TMX3: variants seen among roughly 807,000 people sequenced by gnomAD.
TMX3 encodes the protein thioredoxin related transmembrane protein 3.
Under a neutral mutation model 64.4 loss-of-function variants are expected in TMX3, and 40 were observed. The observed-to-expected ratio is 0.62, with a 90% CI of 0.48 to 0.81. The LOEUF (loss-of-function observed/expected upper bound fraction) is 0.81, where lower values mean the gene tolerates loss of function less well. Ranked by LOEUF, TMX3 falls within the 30% of genes least tolerant of loss-of-function variation. The pLI is 0.00. For synonymous variants in TMX3, 189 were observed against 175.7 expected (o/e 1.08, Z -0.60); for missense variants, 497 against 534.5 (o/e 0.93, Z 0.69).
intron 4 of TMX3, among the ~76,000 whole-genome samples, chr18:68,705,096 T>C (rs996142965): frequency 6.6e-6 from 1 of 152,214 alleles, no homozygotes; most frequent in Non-Finnish European, 1.5e-5. Flanking sequence ...GAAGACACTT[T>C]GTTTTCTAAA....
At chr18:68,697,095 T>C (rs1233027037) in intron 8 of TMX3, 131 bp downstream of exon 8, 4 of 563,732 alleles carry the variant, frequency 7.1e-6, no homozygotes, top group Admixed American at 7.0e-5. Context: ...TTTCCAAACA[T>C]ATCACAGTAA....
intron 15 of TMX3, 75 bp from the exon 16 acceptor site, chr18:68,677,268 C>A: frequency 1.4e-6 from 2 of 1,473,072 alleles, no homozygotes; most frequent in Admixed American, 2.2e-5. Flanking sequence ...GAACTTGAAA[C>A]CACTATAGAT....
intron 2 of TMX3, among the ~76,000 whole-genome samples, chr18:68,712,483 A>C (rs905111804): frequency 6.6e-6 from 1 of 152,172 alleles, no homozygotes; most frequent in African/African-American, 2.4e-5. Context: ...AACTGGTTGC[A>C]CATCTGCTTG....
rs1008026130 is a variant in TMX3, at chr18:68,675,788, G to A, written c.*1145C>T. ...TGCTTTGGAAAGAATTCCTGTATTA[G>A]TTTATAGAAGATGAGAGGTCACTTG... is the stretch of plus-strand genomic sequence containing the variant. On this transcript the variant is annotated 3_prime_UTR_variant, in exon 16 of 16. Transcript: ENST00000299608. The A allele has an allele frequency of 6.6e-6, 1 of 152,160 alleles. No homozygotes were observed. Among genetic ancestry groups the A allele is most frequent in the African/African-American group, 2.4e-5 (1 of 41,448 alleles). 9.4% of individuals were successfully genotyped at this position (152,160 alleles called of 1,614,324 possible). A position where few individuals can be genotyped will look rare whatever the true frequency, so the allele number is the denominator to read the frequency against.
At chr18:68,687,511 A>G in intron 10 of TMX3, 156 bp downstream of exon 10, 2 of 985,256 alleles carry the variant, frequency 2.0e-6, no homozygotes, top group South Asian at 9.4e-5. Flanking sequence ...TTCTGGTAAT[A>G]TCAGTTTACA....
At chr18:68,704,547 T>C (rs2145116149) in intron 4 of TMX3, among the ~76,000 whole-genome samples, 1 of 152,322 alleles carries the variant, frequency 6.6e-6, no homozygotes, top group African/African-American at 2.4e-5. Context: ...GGTAACTTGT[T>C]TGAGAGCAAA....
chr18:68,703,406 AAC>A (rs1480391816), intron 4 of TMX3, among the ~76,000 whole-genome samples: 1 of 152,204 alleles, frequency 6.6e-6, no homozygotes, highest in African/African-American at 2.4e-5. Flanking sequence ...TCAATGAGAA[AAC>A]ACACTGGTCA....
chr18:68,687,316 G>C, intron 10 of TMX3: 1 of 985,318 alleles, frequency 1.0e-6, no homozygotes, highest in Non-Finnish European at 1.2e-6. Context: ...GGTAAAAGCA[G>C]GCCTTATAAA....
At position 68,710,087 on chromosome 18, in the gene TMX3, C is replaced by A; in HGVS notation, c.199G>T (p.Gly67Cys). The A allele has an allele frequency of 6.2e-7, 1 of 1,603,144 alleles. No individual in the cohort carries two copies. The highest frequency in any genetic ancestry group is 8.5e-7 in the Non-Finnish European group (1 of 1,175,092). The stretch of plus-strand genomic sequence containing the variant: ...GAACCAATGCTTTTCATCTCAAGAC[C>A]AACTTCATTCCAAATTGGTTCCAGC... ...KKLEPIWNEVGLEMKSIGSPV... is the reference protein window; with the variant it reads ...KKLEPIWNEVCLEMKSIGSPV... The change falls in exon 4 of 16, where the codon GGT becomes TGT. Residue 67 changes from glycine (G) to cysteine (C), a missense_variant. Gly to Cys is a radical substitution (Grantham distance 159). Around this residue, in one of 3 missense-constraint regions of TMX3, gnomAD observed 360 missense variants for 383.5 expected, o/e 0.94. Coordinates refer to ENST00000299608, the MANE Select transcript of TMX3 (RefSeq NM_019022.5).
rs888463997 is a variant in TMX3, at chr18:68,676,117, T to A, written c.*816A>T. 2.0e-5 allele frequency: 3 copies of A among 152,058 alleles called. No homozygotes were observed. Among genetic ancestry groups the A allele is most frequent in the African/African-American group, 7.2e-5 (3 of 41,412 alleles). 9.4% of individuals were successfully genotyped at this position (152,058 alleles called of 1,614,324 possible). A position where few individuals can be genotyped will look rare whatever the true frequency, so the allele number is the denominator to read the frequency against. On this transcript the variant is annotated 3_prime_UTR_variant, in exon 16 of 16. Coordinates refer to ENST00000299608, the MANE Select transcript of TMX3 (RefSeq NM_019022.5). The stretch of plus-strand genomic sequence containing the variant: ...TTATCAAAGGAAATGTTAGAAGAAA[T>A]CTCAATATATAAAATAGAAATAAAA...
intron 6 of TMX3, among the ~76,000 whole-genome samples, chr18:68,698,896 C>CGGTAG (rs1915387689): frequency 3.3e-5 from 5 of 151,452 alleles, no homozygotes; most frequent in Admixed American, 1.3e-4. Context: ...GTAGCGGGCG[C>CGGTAG]CTGTAGTCCC....
chr18:68,712,153 A>T (rs2031343997), intron 2 of TMX3, among the ~76,000 whole-genome samples: 2 of 152,164 alleles, frequency 1.3e-5, no homozygotes, highest in Non-Finnish European at 2.9e-5. Context: ...TAGGGCCTAG[A>T]CAGTGTGGCC....
chr18:68,675,382 AT>A lies in TMX3; in HGVS notation c.*1550del, dbSNP rs1912840169. ...GGAGTGTCAAACACTAAGAATAGGT[AT>A]TTAATTATTAAATACTAAAAGAGTA... On this transcript the variant is annotated 3_prime_UTR_variant, in exon 16 of 16. Coordinates refer to ENST00000299608, the MANE Select transcript of TMX3 (RefSeq NM_019022.5). 6.6e-6 allele frequency: 1 copy of A among 152,136 alleles called. No individual in the cohort carries two copies. The highest frequency in any genetic ancestry group is 2.4e-5 in the African/African-American group (1 of 41,436). The allele number at this position is 152,136 out of a possible 1,614,324, so 9.4% of individuals were successfully genotyped here.
At chr18:68,700,798 C>G (rs2029981325) in intron 5 of TMX3, 1 of 985,222 alleles carries the variant, frequency 1.0e-6, no homozygotes, top group Non-Finnish European at 1.2e-6. Flanking sequence ...AATTAAAGTA[C>G]TATAATTCTC....
At chr18:68,703,368 A>G (rs1285838601) in intron 4 of TMX3, among the ~76,000 whole-genome samples, 2 of 152,198 alleles carry the variant, frequency 1.3e-5, no homozygotes, top group African/African-American at 2.4e-5. Context: ...TTTATACACA[A>G]ATCAAATAAA....
At position 68,698,500 on chromosome 18, in the gene TMX3, CT is replaced by C. The variant is rs1915335799; in HGVS notation, c.393-470del. Among the ~76,000 whole-genome samples, 3 of 152,022 alleles carry C rather than the reference CT, an allele frequency of 2.0e-5. No homozygotes were observed. The South Asian group carries it at 6.2e-4, about 31-fold the overall frequency. On this transcript the variant is annotated intron_variant, in intron 6 of 15. Transcript: ENST00000299608. ...ACTATGTCAATTTAAATGGTATATACTTTTTAAGTACCCTATGGAGGTTAAA... is the reference window on the plus strand; with the variant it reads ...ACTATGTCAATTTAAATGGTATATACTTTTAAGTACCCTATGGAGGTTAAA...
At chr18:68,702,206 A>T (rs1273347145) in intron 4 of TMX3, among the ~76,000 whole-genome samples, 1 of 131,614 alleles carries the variant, frequency 7.6e-6, no homozygotes. Flanking sequence ...AAAAAAGCCC[A>T]TCTCTTCTTT....
chr18:68,701,382 A>T lies in TMX3; in HGVS notation c.311+363T>A, dbSNP rs151201060. Among the ~76,000 whole-genome samples, 23 of 152,196 alleles carry T rather than the reference A, an allele frequency of 1.5e-4. 1 individual carries two copies. The East Asian group carries it at 4.2e-3, about 28-fold the overall frequency. ...TCTTTCAACTTGTACACTTTATTAG[A>T]CTTGATCAACACCTACAGATTAGAG... is the stretch of plus-strand genomic sequence containing the variant. On this transcript the variant is annotated intron_variant, in intron 5 of 15. Coordinates refer to ENST00000299608, the MANE Select transcript of TMX3 (RefSeq NM_019022.5).
rs1457276119 is a variant in TMX3, at chr18:68,677,102, G to T, written c.1196C>A (p.Ala399Asp). 1 of 1,613,758 alleles carries T rather than the reference G, an allele frequency of 6.2e-7. No individual in the cohort carries two copies. Among genetic ancestry groups the T allele is most frequent in the Non-Finnish European group, 8.5e-7 (1 of 1,179,784 alleles). The change falls in exon 16 of 16, where the codon GCC (alanine) becomes GAC (aspartate). Residue 399 changes from alanine to aspartate, a missense_variant. By Grantham distance (126) the Ala-to-Asp change is moderately radical. Coordinates refer to ENST00000299608, the MANE Select transcript of TMX3 (RefSeq NM_019022.5). The part of the protein sequence containing the change: ...ISIMCYGIYT[A>D]DTDGGYIEER... Reference sequence around the variant, plus strand: ...TTCTATATAACCTCCATCTGTGTCGGCTGTGTAGATTCCATAGCACATGAT... The same window carrying T: ...TTCTATATAACCTCCATCTGTGTCGTCTGTGTAGATTCCATAGCACATGAT...
Sources: allele counts gnomAD v4.1 joint callset (sites outside exome capture counted in the v4.1 genomes callset), GRCh38; gene constraint gnomAD v4.1.1; regional missense constraint gnomAD v4.1.1; transcripts MANE v1.5; gene names NCBI Gene and HGNC (gene_info 2026-07-23, HGNC 2026-07-21).